PDE8B: variants seen among roughly 807,000 people sequenced by gnomAD.
The protein encoded by PDE8B is phosphodiesterase 8B, also known as high affinity cAMP-specific and IBMX-insensitive 3',5'-cyclic phosphodiesterase 8B.
A neutral mutation model predicts 101.3 loss-of-function variants in PDE8B; 26 were observed. That is an observed-to-expected ratio of 0.26 (90% CI 0.19 to 0.36). The LOEUF (loss-of-function observed/expected upper bound fraction) is 0.36. PDE8B is among the 10% of genes least tolerant of loss of function. The probability of loss-of-function intolerance (pLI) is 1.00; values close to 1 mark genes in which losing one functional copy is unlikely to be tolerated. For synonymous variants in PDE8B, 424 were observed against 429.3 expected (o/e 0.99, Z 0.15); for missense variants, 810 against 1,163.1 (o/e 0.70, Z 4.42).
chr5:77,111,619 T>C, the PDE8B span, among the ~76,000 whole-genome samples: 3 of 152,278 alleles, frequency 2.0e-5, no homozygotes, highest in South Asian at 6.2e-4. Context: ...TACAACAAGC[T>C]CTTTAACATA....
the PDE8B span, among the ~76,000 whole-genome samples, chr5:77,188,510 C>A: frequency 6.6e-6 from 1 of 152,034 alleles, no homozygotes; most frequent in African/African-American, 2.4e-5. Context: ...TCTTTAAATA[C>A]GGCATGCACT....
chr5:77,272,531 C>T (rs1424738287), intron 1 of PDE8B, among the ~76,000 whole-genome samples: 1 of 152,180 alleles, frequency 6.6e-6, no homozygotes, highest in Non-Finnish European at 1.5e-5. Context: ...TGAGAGCTGC[C>T]TCTTCCAGAA....
rs1796776892 is a variant in PDE8B, at chr5:77,422,118, A to C, written c.2418+130A>C. 3.0e-6 allele frequency: 3 copies of C among 998,942 alleles called. No individual in the cohort carries two copies. In the East Asian group the frequency reaches 7.8e-5, roughly 26 times the overall value. 61.9% of individuals were successfully genotyped at this position (998,942 alleles called of 1,614,324 possible). ...TAACCACTCCTCCCTGGAAGAAAGC[A>C]GCTTACCCCCACCTGGGGTAGGCTT... On this transcript the variant is annotated intron_variant, in intron 20 of 21. Transcript: ENST00000264917.
At chr5:77,299,251 T>G (rs1252642752) in intron 1 of PDE8B, among the ~76,000 whole-genome samples, 1 of 147,742 alleles carries the variant, frequency 6.8e-6, no homozygotes, top group Non-Finnish European at 1.5e-5. Context: ...TTTTTGTTTG[T>G]TTGTTTGTTT....
chr5:77,342,212 T>C (rs78576040), intron 6 of PDE8B, among the ~76,000 whole-genome samples: 1 of 152,212 alleles, frequency 6.6e-6, no homozygotes, highest in African/African-American at 2.4e-5. Context: ...ATCTTAAACA[T>C]AACAACAGGT....
At chr5:77,192,646 A>G in the PDE8B span, among the ~76,000 whole-genome samples, 1 of 152,242 alleles carries the variant, frequency 6.6e-6, no homozygotes. Flanking sequence ...TCCATAGATA[A>G]GCCTTTGGCC....
chr5:77,336,323 A>G (rs1230342497), intron 5 of PDE8B, among the ~76,000 whole-genome samples: 1 of 152,210 alleles, frequency 6.6e-6, no homozygotes, highest in Non-Finnish European at 1.5e-5. Flanking sequence ...CTGTTGCAAA[A>G]CAAACAAGCA....
At chr5:77,148,710 A>C in the PDE8B span, among the ~76,000 whole-genome samples, 8 of 152,200 alleles carry the variant, frequency 5.3e-5, no homozygotes, top group Admixed American at 5.2e-4. Flanking sequence ...TCTTCTGCCC[A>C]TTTAAAAATC....
At chr5:77,240,188 C>G (rs188601751) in intron 1 of PDE8B, among the ~76,000 whole-genome samples, 48 of 152,142 alleles carry the variant, frequency 3.2e-4, no homozygotes, top group African/African-American at 1.1e-3. Context: ...GAGTCTCGCT[C>G]TATTGCCCAG....
At chr5:77,335,824 C>T (rs1292493623) in intron 5 of PDE8B, among the ~76,000 whole-genome samples, 1 of 152,074 alleles carries the variant, frequency 6.6e-6, no homozygotes, top group Non-Finnish European at 1.5e-5. Flanking sequence ...AAATGCATAA[C>T]ATTTCCCCTT....
chr5:77,176,905 G>C, the PDE8B span, among the ~76,000 whole-genome samples: 198 of 152,272 alleles, frequency 1.3e-3, 1 homozygote, highest in African/African-American at 4.4e-3. Context: ...TTCACTATGC[G>C]ATTTTAGATA....
At chr5:77,161,065 T>C in the PDE8B span, among the ~76,000 whole-genome samples, 2 of 152,250 alleles carry the variant, frequency 1.3e-5, no homozygotes, top group Admixed American at 6.5e-5. Flanking sequence ...TTTTTCAATG[T>C]AATTGCAGTG....
chr5:77,117,112 C>T, the PDE8B span, among the ~76,000 whole-genome samples: 1 of 152,202 alleles, frequency 6.6e-6, no homozygotes, highest in Non-Finnish European at 1.5e-5. Context: ...AATCACCCTT[C>T]ATCTAGATTG....
the PDE8B span, chr5:77,113,114 G>A: frequency 6.6e-6 from 1 of 152,144 alleles, no homozygotes; most frequent in African/African-American, 2.4e-5. Context: ...TAGATTCAAT[G>A]CTAGCTATCC....
chr5:77,202,409 A>G, the PDE8B span, among the ~76,000 whole-genome samples: 1 of 152,176 alleles, frequency 6.6e-6, no homozygotes, highest in Non-Finnish European at 1.5e-5. Flanking sequence ...TCCTCAGCTT[A>G]CTTAACATGA....
intron 3 of PDE8B, among the ~76,000 whole-genome samples, chr5:77,328,065 G>A (rs1034495878): frequency 7.2e-5 from 11 of 152,204 alleles, no homozygotes; most frequent in African/African-American, 2.7e-4. Context: ...AATGCATGTT[G>A]TTTCACAAAT....
intron 2 of PDE8B, among the ~76,000 whole-genome samples, chr5:77,317,486 C>G (rs541858896): frequency 2.0e-4 from 31 of 152,292 alleles, no homozygotes; most frequent in African/African-American, 7.0e-4. Context: ...CCACACAGAG[C>G]TGGCAGGAGC....
At chr5:77,262,658 C>T (rs1760868212) in intron 1 of PDE8B, among the ~76,000 whole-genome samples, 1 of 152,214 alleles carries the variant, frequency 6.6e-6, no homozygotes, top group Admixed American at 6.5e-5. Context: ...TTTCTTGTTG[C>T]ATACCGGAAT....
chr5:77,332,882 G>A (rs1402558797), intron 5 of PDE8B, among the ~76,000 whole-genome samples: 1 of 151,610 alleles, frequency 6.6e-6, no homozygotes. Flanking sequence ...AGTAGGTGGA[G>A]TGATGTATTT....
Sources: allele counts gnomAD v4.1 joint callset (sites outside exome capture counted in the v4.1 genomes callset), GRCh38; gene constraint gnomAD v4.1.1; transcripts MANE v1.5; gene names NCBI Gene and HGNC (gene_info 2026-07-23, HGNC 2026-07-21).